CHCHD6: variants seen among roughly 807,000 people sequenced by gnomAD.
The protein encoded by CHCHD6 is coiled-coil-helix-coiled-coil-helix domain containing 6, also known as MICOS complex subunit MIC25.
CHCHD6 carries 28 observed loss-of-function variants against 32.3 expected under a neutral mutation model. The observed-to-expected ratio is 0.87, with a 90% CI of 0.64 to 1.19. The LOEUF (loss-of-function observed/expected upper bound fraction) is 1.19, where lower values mean the gene tolerates loss of function less well. Ranked by LOEUF, CHCHD6 falls within the 50% of genes most tolerant of loss-of-function variation. The probability of loss-of-function intolerance (pLI) is 0.00; values close to 1 mark genes in which losing one functional copy is unlikely to be tolerated. For synonymous variants in CHCHD6, 122 were observed against 117.5 expected (o/e 1.04, Z -0.25); for missense variants, 333 against 307.0 (o/e 1.08, Z -0.63).
chr3:126,886,013 T>C (rs17694364), intron 5 of CHCHD6, among the ~76,000 whole-genome samples: 14,307 of 152,196 alleles, frequency 0.094, 869 homozygotes, highest in Middle Eastern at 0.22. Flanking sequence ...ACTGCAGCCA[T>C]GCTAGAAAGA....
intron 5 of CHCHD6, among the ~76,000 whole-genome samples, chr3:126,913,100 A>G (rs1317774340): frequency 1.3e-5 from 2 of 151,678 alleles, no homozygotes; most frequent in Non-Finnish European, 2.9e-5. Flanking sequence ...CTGCCACACA[A>G]GCGTGTTTCA....
At chr3:126,871,892 C>T (rs1052851366) in intron 5 of CHCHD6, among the ~76,000 whole-genome samples, 1 of 152,060 alleles carries the variant, frequency 6.6e-6, no homozygotes, top group Non-Finnish European at 1.5e-5. Context: ...GTCTCAATCT[C>T]CTGACCTCAT....
At chr3:126,881,042 G>A (rs113386307) in intron 5 of CHCHD6, among the ~76,000 whole-genome samples, 8,245 of 152,308 alleles carry the variant, frequency 0.054, 352 homozygotes, top group Admixed American at 0.12. Flanking sequence ...TAAATGGGCA[G>A]AGCACACATT....
At chr3:126,946,403 A>G (rs1409083541) in intron 6 of CHCHD6, among the ~76,000 whole-genome samples, 2 of 152,188 alleles carry the variant, frequency 1.3e-5, no homozygotes, top group Admixed American at 1.3e-4. Context: ...GAGAGAAGGG[A>G]TAGTCCTGGA....
At chr3:126,934,963 G>A (rs2078457522) in intron 6 of CHCHD6, 1 of 179,224 alleles carries the variant, frequency 5.6e-6, no homozygotes, top group South Asian at 1.9e-4. Flanking sequence ...TAAAATAAAG[G>A]AGGACTGAGG....
At chr3:126,802,042 T>C (rs1352758944) in intron 4 of CHCHD6, among the ~76,000 whole-genome samples, 1 of 152,106 alleles carries the variant, frequency 6.6e-6, no homozygotes, top group Non-Finnish European at 1.5e-5. Flanking sequence ...AGAAAGGACA[T>C]CCACACCAAA....
At chr3:126,789,807 A>G (rs1020544120) in intron 4 of CHCHD6, among the ~76,000 whole-genome samples, 2 of 152,112 alleles carry the variant, frequency 1.3e-5, no homozygotes, top group Non-Finnish European at 2.9e-5. Context: ...TTTAATTGGA[A>G]CATTTAGCCC....
chr3:126,821,127 G>T (rs1940129256), intron 4 of CHCHD6, among the ~76,000 whole-genome samples: 1 of 152,126 alleles, frequency 6.6e-6, no homozygotes, highest in Non-Finnish European at 1.5e-5. Flanking sequence ...TATTCTCAAG[G>T]TTCATCCATA....
chr3:126,795,117 T>A (rs1188402687), intron 4 of CHCHD6, among the ~76,000 whole-genome samples: 1 of 152,290 alleles, frequency 6.6e-6, no homozygotes, highest in South Asian at 2.1e-4. Context: ...TCTGAGAGCA[T>A]GTCTGGCCTT....
At chr3:126,851,757 C>A (rs1351005978) in intron 4 of CHCHD6, among the ~76,000 whole-genome samples, 2 of 152,210 alleles carry the variant, frequency 1.3e-5, no homozygotes, top group African/African-American at 4.8e-5. Context: ...GTGCTGGTGA[C>A]CCTTTATGGA....
In CHCHD6 at chr3:126,733,141, G is replaced by T. The variant is rs1935885419; in HGVS notation, c.330G>T (p.Glu110Asp). The part of the protein sequence containing the change: ...KLFQVAKRER[E>D]AATKHSKASL... ...TCCAGGTGGCAAAGAGGGAAAGAGAGGCTGCCACCAAGCACTCCAAGGCAT... is the reference window on the plus strand; with the variant it reads ...TCCAGGTGGCAAAGAGGGAAAGAGATGCTGCCACCAAGCACTCCAAGGCAT... Residue 110 changes from glutamate to aspartate, a missense_variant, in exon 4 of 8, where the codon GAG (glutamate) becomes GAT (aspartate). By Grantham distance (45) the Glu-to-Asp change is conservative. Transcript: ENST00000290913. The T allele has an allele frequency of 6.2e-7, 1 of 1,614,168 alleles. No homozygotes were observed. Among genetic ancestry groups the T allele is most frequent in the African/African-American group, 1.3e-5 (1 of 75,068 alleles).
chr3:126,732,919 G>A (rs1935873379), intron 3 of CHCHD6, among the ~76,000 whole-genome samples, 159 bp from the exon 4 acceptor site: 1 of 152,174 alleles, frequency 6.6e-6, no homozygotes, highest in South Asian at 2.1e-4. Flanking sequence ...GTGGAATGAT[G>A]GGGCATGCGG....
intron 4 of CHCHD6, among the ~76,000 whole-genome samples, chr3:126,831,804 A>C (rs1460386482): frequency 6.6e-6 from 1 of 152,146 alleles, no homozygotes; most frequent in Non-Finnish European, 1.5e-5. Context: ...TCCTGCCATC[A>C]AGAAGAAGAG....
chr3:126,765,049 G>A (rs538899689), intron 4 of CHCHD6, among the ~76,000 whole-genome samples: 2 of 152,170 alleles, frequency 1.3e-5, no homozygotes, highest in East Asian at 3.9e-4. Flanking sequence ...GTGGAAAATA[G>A]AGAAAAAAGC....
At chr3:126,944,877 T>C (rs13074200) in intron 6 of CHCHD6, among the ~76,000 whole-genome samples, 1 of 151,994 alleles carries the variant, frequency 6.6e-6, no homozygotes, top group Admixed American at 6.5e-5. Context: ...CAGGACTGGG[T>C]CCTAGAGGGG....
At chr3:126,861,410 C>T (rs150765341) in intron 5 of CHCHD6, among the ~76,000 whole-genome samples, 265 of 152,046 alleles carry the variant, frequency 1.7e-3, no homozygotes, top group African/African-American at 6.0e-3. Context: ...TACTTCGGAT[C>T]ATTATGAGAA....
At chr3:126,896,583 C>A (rs965717378) in intron 5 of CHCHD6, among the ~76,000 whole-genome samples, 4 of 152,236 alleles carry the variant, frequency 2.6e-5, no homozygotes, top group African/African-American at 9.6e-5. Flanking sequence ...CCATTGCCAA[C>A]TGGCCACTCA....
At chr3:126,907,893 G>A (rs931347332) in intron 5 of CHCHD6, among the ~76,000 whole-genome samples, 6 of 152,292 alleles carry the variant, frequency 3.9e-5, no homozygotes, top group Admixed American at 6.5e-5. Context: ...GGACAGCTGG[G>A]TAGAATAGAA....
At chr3:126,773,421 T>A (rs1937578591) in intron 4 of CHCHD6, among the ~76,000 whole-genome samples, 1 of 152,064 alleles carries the variant, frequency 6.6e-6, no homozygotes, top group Non-Finnish European at 1.5e-5. Context: ...GAGTCTCACG[T>A]TGGGAATGTG....
Sources: gnomAD v4.1 joint callset for allele counts (sites outside exome capture counted in the v4.1 genomes callset) on GRCh38, gnomAD v4.1.1 for gene constraint, MANE v1.5 for transcripts, NCBI Gene and HGNC (gene_info 2026-07-23, HGNC 2026-07-21) for gene names.